ZNF135: variants seen among roughly 807,000 people sequenced by gnomAD.
ZNF135 encodes the protein zinc finger protein 135.
In ZNF135, 11 loss-of-function variants were observed where a neutral mutation model predicts 12.3. The observed-to-expected ratio is 0.89, with a 90% confidence interval of 0.56 to 1.48. The LOEUF is 1.48. Ranked by LOEUF, ZNF135 falls within the 40% of genes most tolerant of loss-of-function variation. The pLI, the probability that ZNF135 is intolerant of heterozygous loss-of-function variation, is 0.00. For missense variants in ZNF135, 722 were observed against 815.7 expected, an observed-to-expected ratio of 0.89 and a Z score of 1.40; for synonymous variants, 316 against 312.0, an observed-to-expected ratio of 1.01 and a Z score of -0.14.
chr19:58,067,110 T>C lies in ZNF135; in HGVS notation c.626T>C (p.Val209Ala), dbSNP rs917062727. ...PDLNVLQKTC[V>A]KEKPYKCQEC... Reference sequence around the variant, plus strand: ...CTAAATGTTTTACAGAAAACCTGTGTAAAAGAGAAACCCTACAAATGTCAG... The same window carrying C: ...CTAAATGTTTTACAGAAAACCTGTGCAAAAGAGAAACCCTACAAATGTCAG... Residue 209 changes from valine to alanine, a missense_variant, in exon 5 of 5, where the codon GTA becomes GCA. Val to Ala is a moderately conservative substitution (Grantham distance 64). Coordinates refer to ENST00000313434, the MANE Select transcript of ZNF135 (RefSeq NM_001289401.2). 1.2e-6 allele frequency: 2 copies of C among 1,614,156 alleles called. No homozygotes were observed. The highest frequency in any genetic ancestry group is 3.3e-5 in the Admixed American group (2 of 60,028).
rs1049460148 is a variant in ZNF135 at position 58,059,730 on chromosome 19, G to A, written c.-34-239G>A. On this transcript the variant is annotated intron_variant, in intron 1 of 4. Transcript: ENST00000313434. The surrounding 1 kb of genome is among the most constrained non-coding windows in gnomAD (Gnocchi z 6.5). ...ACTGTAGCGTTAAGGCTCAGAGTCT[G>A]CGCAGCAGATATGTGTCCGCACCCG... 1.7e-6 allele frequency: 1 copy of A among 582,034 alleles called. No homozygotes were observed. The highest frequency in any genetic ancestry group is 3.0e-6 in the Non-Finnish European group (1 of 331,978). 36.1% of individuals were successfully genotyped at this position (582,034 alleles called of 1,614,324 possible).
In ZNF135 at chr19:58,059,809, C is replaced by G. The variant is rs1003392654; in HGVS notation, c.-34-160C>G. The G allele has an allele frequency of 1.2e-6, 1 of 857,736 alleles. No homozygotes were observed. The highest frequency in any genetic ancestry group is 1.8e-5 in the South Asian group (1 of 54,280). 53.1% of individuals were successfully genotyped at this position (857,736 alleles called of 1,614,324 possible). On this transcript the variant is annotated intron_variant, in intron 1 of 4. Coordinates refer to ENST00000313434, the MANE Select transcript of ZNF135 (RefSeq NM_001289401.2). This position sits in a 1 kb window ranked among gnomAD's most constrained non-coding sequence, Gnocchi z 6.5. ...GGGAAAACCCTAGGCTGCCCTTCTC[C>G]GAGCGGAGGGCCGCCCCACACACAG...
At chr19:58,064,601 G>C (rs2074035867) in intron 4 of ZNF135, among the ~76,000 whole-genome samples, 1 of 151,894 alleles carries the variant, frequency 6.6e-6, no homozygotes, top group Non-Finnish European at 1.5e-5. Flanking sequence ...TTAATTAAGG[G>C]CTGGGAGCAG....
In ZNF135 at chr19:58,067,826, A is replaced by C. The variant is rs1166837213; in HGVS notation, c.1342A>C (p.Ser448Arg). ...ATGCAACGAGTGTGGGAAAACCTTCAGCCACAGCTCCTCACTCAGCCAGCA... is the reference window on the plus strand; with the variant it reads ...ATGCAACGAGTGTGGGAAAACCTTCCGCCACAGCTCCTCACTCAGCCAGCA... ...YGCNECGKTF[S>R]HSSSLSQHER... Residue 448 changes from serine (S) to arginine (R), a missense_variant, in exon 5 of 5, where the codon AGC becomes CGC. Coordinates refer to ENST00000313434, the MANE Select transcript of ZNF135 (RefSeq NM_001289401.2). The C allele has an allele frequency of 6.2e-7, 1 of 1,613,916 alleles. No homozygotes were observed. The highest frequency in any genetic ancestry group is 8.5e-7 in the Non-Finnish European group (1 of 1,179,986).
rs755320899 is a variant in ZNF135, at chr19:58,059,340, G to C, written c.-35+30G>C. On this transcript the variant is annotated intron_variant, in intron 1 of 4. Transcript: ENST00000313434. This position sits in a 1 kb window ranked among gnomAD's most constrained non-coding sequence, Gnocchi z 6.5. ...GCTAGGCCGGCGAGGAGGGGGAGGGGAGGCCAGGCCGGGCCGGGCCGGGCC... is the reference window on the plus strand; with the variant it reads ...GCTAGGCCGGCGAGGAGGGGGAGGGCAGGCCAGGCCGGGCCGGGCCGGGCC... 7.4e-7 allele frequency: 1 copy of C among 1,342,488 alleles called. No homozygotes were observed. The allele number at this position is 1,342,488 out of a possible 1,614,324, so 83.2% of individuals were successfully genotyped here. A position where few individuals can be genotyped will look rare whatever the true frequency, so the allele number is the denominator to read the frequency against.
At position 58,068,318 on chromosome 19, in the gene ZNF135, G is replaced by C; in HGVS notation, c.1834G>C (p.Gly612Arg). ...GEKPYECHDC[G>R]KSFRQSTHLT... is the part of the protein sequence containing the mutation. ...AAAGCCCTATGAGTGTCACGATTGCGGAAAGTCCTTTAGGCAGAGCACCCA... is the reference window on the plus strand; with the variant it reads ...AAAGCCCTATGAGTGTCACGATTGCCGAAAGTCCTTTAGGCAGAGCACCCA... Residue 612 changes from glycine to arginine, a missense_variant, in exon 5 of 5, where the codon GGA becomes CGA. Transcript: ENST00000313434. 1 of 1,613,998 alleles carries C rather than the reference G, an allele frequency of 6.2e-7. No individual in the cohort carries two copies. Among genetic ancestry groups the C allele is most frequent in the Non-Finnish European group, 8.5e-7 (1 of 1,180,000 alleles).
chr19:58,059,407 G>T lies in ZNF135; in HGVS notation c.-35+97G>T. On this transcript the variant is annotated intron_variant, in intron 1 of 4. Coordinates refer to ENST00000313434, the MANE Select transcript of ZNF135 (RefSeq NM_001289401.2). This position sits in a 1 kb window ranked among gnomAD's most constrained non-coding sequence, Gnocchi z 6.5. ...GGGATCTTCCTGAGGCCCTGGCGGG[G>T]CGAGTTTCCAGCAGCGCGCGTCTGT... The T allele has an allele frequency of 1.0e-6, 1 of 979,532 alleles. No individual in the cohort carries two copies. The highest frequency in any genetic ancestry group is 1.4e-6 in the Non-Finnish European group (1 of 715,958). The allele number at this position is 979,532 out of a possible 1,614,324, so 60.7% of individuals were successfully genotyped here.
At position 58,059,335 on chromosome 19, in the gene ZNF135, G is replaced by T; in HGVS notation, c.-35+25G>T. The stretch of plus-strand genomic sequence containing the variant: ...GGTGAGCTAGGCCGGCGAGGAGGGG[G>T]AGGGGAGGCCAGGCCGGGCCGGGCC... On this transcript the variant is annotated intron_variant, in intron 1 of 4. Transcript: ENST00000313434. This position sits in a 1 kb window ranked among gnomAD's most constrained non-coding sequence, Gnocchi z 6.5. 2 of 1,518,496 alleles carry T rather than the reference G, an allele frequency of 1.3e-6. No individual in the cohort carries two copies. The highest frequency in any genetic ancestry group is 1.8e-6 in the Non-Finnish European group (2 of 1,139,726). The allele number at this position is 1,518,496 out of a possible 1,614,324, so 94.1% of individuals were successfully genotyped here. A position where few individuals can be genotyped will look rare whatever the true frequency, so the allele number is the denominator to read the frequency against.
Position 58,059,355 on chromosome 19 carries a change from C to T in ZNF135, c.-35+45C>T. 1 of 766,742 alleles carries T rather than the reference C, an allele frequency of 1.3e-6. No homozygotes were observed. The highest frequency in any genetic ancestry group is 5.5e-5 in the East Asian group (1 of 18,120). 47.5% of individuals were successfully genotyped at this position (766,742 alleles called of 1,614,324 possible). A position where few individuals can be genotyped will look rare whatever the true frequency, so the allele number is the denominator to read the frequency against. ...AGGGGGAGGGGAGGCCAGGCCGGGC[C>T]GGGCCGGGCCGGGTGCGGGGGGTCC... On this transcript the variant is annotated intron_variant, in intron 1 of 4. Transcript: ENST00000313434. The surrounding 1 kb of genome is among the most constrained non-coding windows in gnomAD (Gnocchi z 6.5).
At chr19:58,061,808 T>C in intron 3 of ZNF135, 102 bp downstream of exon 3, 1 of 1,412,738 alleles carries the variant, frequency 7.1e-7, no homozygotes, top group Non-Finnish European at 9.4e-7. Context: ...AGCAAATGCC[T>C]GGGGCTGTAT....
chr19:58,068,458 A>AT lies in ZNF135; in HGVS notation c.1975dup (p.Ter659LeufsTer53). On this transcript the variant is annotated frameshift_variant, in exon 5 of 5. Coordinates refer to ENST00000313434, the MANE Select transcript of ZNF135 (RefSeq NM_001289401.2). LOFTEE classifies it high-confidence loss of function. The stretch of plus-strand genomic sequence containing the variant: ...CCAAGCACCAGAGAACTCACACTGG[A>AT]TAAACCCACTCCACATGTGCTGGGG... 6.2e-7 allele frequency: 1 copy of AT among 1,613,420 alleles called. No individual in the cohort carries two copies. The highest frequency in any genetic ancestry group is 1.3e-5 in the African/African-American group (1 of 75,038).
chr19:58,067,192 C>G lies in ZNF135; in HGVS notation c.708C>G (p.His236Gln), dbSNP rs750355897. The change falls in exon 5 of 5, where the codon CAC (histidine) becomes CAG (glutamine). Residue 236 changes from histidine to glutamine, a missense_variant. Coordinates refer to ENST00000313434, the MANE Select transcript of ZNF135 (RefSeq NM_001289401.2). Reference protein sequence around the residue: ...SSALIEHHRTHTGERPYECHE... With the variant: ...SSALIEHHRTQTGERPYECHE... ...CACTTATCGAACACCACCGGACGCACACAGGAGAGAGACCTTACGAATGTC... is the reference window on the plus strand; with the variant it reads ...CACTTATCGAACACCACCGGACGCAGACAGGAGAGAGACCTTACGAATGTC... 5 of 1,614,132 alleles carry G rather than the reference C, an allele frequency of 3.1e-6. No homozygotes were observed. In the Admixed American group the frequency reaches 8.3e-5, roughly 27 times the overall value.
chr19:58,068,646 T>TATTAG lies in ZNF135; in HGVS notation c.*186_*187insTTAGA. 1 of 642,618 alleles carries TATTAG rather than the reference T, an allele frequency of 1.6e-6. No individual in the cohort carries two copies. Among genetic ancestry groups the TATTAG allele is most frequent in the Admixed American group, 3.1e-5 (1 of 32,668 alleles). The allele number at this position is 642,618 out of a possible 1,614,324, so 39.8% of individuals were successfully genotyped here. A position where few individuals can be genotyped will look rare whatever the true frequency, so the allele number is the denominator to read the frequency against. On this transcript the variant is annotated 3_prime_UTR_variant, in exon 5 of 5. Transcript: ENST00000313434. ...AAATGACCATGGGACCACCAAGCTC[T>TATTAG]AGGTCATCCATCTCTGCATCCAAAT... is the stretch of plus-strand genomic sequence containing the variant.
At position 58,068,130 on chromosome 19, in the gene ZNF135, C is replaced by G; in HGVS notation, c.1646C>G (p.Pro549Arg). The G allele has an allele frequency of 4.3e-6, 7 of 1,614,188 alleles. No homozygotes were observed. The highest frequency in any genetic ancestry group is 5.9e-6 in the Non-Finnish European group (7 of 1,180,040). ...QHQRIHTGEK[P>R]YECNQCGRAF... is the part of the protein sequence containing the mutation. ...CAGAGGATCCACACAGGAGAGAAAC[C>G]CTATGAATGTAACCAGTGTGGCAGA... is the stretch of plus-strand genomic sequence containing the variant. The change falls in exon 5 of 5, where the codon CCC (proline) becomes CGC (arginine). Residue 549 changes from proline to arginine, a missense_variant. Pro to Arg is a moderately radical substitution (Grantham distance 103). Transcript: ENST00000313434.
intron 3 of ZNF135, among the ~76,000 whole-genome samples, chr19:58,062,313 C>G (rs1484881713): frequency 1.3e-5 from 2 of 152,178 alleles, no homozygotes; most frequent in Non-Finnish European, 2.9e-5. Flanking sequence ...GGCCCCACCT[C>G]AACACTATCA....
intron 3 of ZNF135, among the ~76,000 whole-genome samples, chr19:58,062,492 C>T (rs1229980985): frequency 3.3e-5 from 5 of 152,132 alleles, no homozygotes; most frequent in African/African-American, 1.2e-4. Flanking sequence ...ACACCATTCT[C>T]CTGCCTCATC....
At position 58,068,298 on chromosome 19, in the gene ZNF135, C is replaced by G; in HGVS notation, c.1814C>G (p.Pro605Arg). 2 of 1,614,080 alleles carry G rather than the reference C, an allele frequency of 1.2e-6. No individual in the cohort carries two copies. Among genetic ancestry groups the G allele is most frequent in the Non-Finnish European group, 1.7e-6 (2 of 1,180,006 alleles). The stretch of plus-strand genomic sequence containing the variant: ...GAAAGGACGCACACTGGGGAAAAGC[C>G]CTATGAGTGTCACGATTGCGGAAAG... ...QHERTHTGEK[P>R]YECHDCGKSF... is the part of the protein sequence containing the mutation. The change falls in exon 5 of 5, where the codon CCC (proline) becomes CGC (arginine). Residue 605 changes from proline (P) to arginine (R), a missense_variant. Physicochemically the swap from Pro to Arg is moderately radical, Grantham distance 103 (BLOSUM62 -2). Transcript: ENST00000313434.
chr19:58,065,525 T>C lies in ZNF135; in HGVS notation c.257-1216T>C, dbSNP rs1408999704. Among the ~76,000 whole-genome samples, 1 of 152,202 alleles carries C rather than the reference T, an allele frequency of 6.6e-6. No homozygotes were observed. Among genetic ancestry groups the C allele is most frequent in the Admixed American group, 6.5e-5 (1 of 15,280 alleles). ...ATCCGTTTCTTTGCATTTTTCAGCT[T>C]CTAGAGGCACCCACATTCCTTGGCT... On this transcript the variant is annotated intron_variant, in intron 4 of 4. Transcript: ENST00000313434. The surrounding 1 kb of genome is among the most constrained non-coding windows in gnomAD (Gnocchi z 4.0).
At position 58,060,501 on chromosome 19, in the gene ZNF135, C is replaced by G. The variant is rs2073957663; in HGVS notation, c.33+466C>G. ...TCAGAAAATTGTAGGTGCCCCGGCT[C>G]TGCAGTCTGAAGTTGAAGGCCTTAG... is the stretch of plus-strand genomic sequence containing the variant. On this transcript the variant is annotated intron_variant, in intron 2 of 4. Transcript: ENST00000313434. This position sits in a 1 kb window ranked among gnomAD's most constrained non-coding sequence, Gnocchi z 4.9. 1.0e-6 allele frequency: 1 copy of G among 1,003,408 alleles called. No individual in the cohort carries two copies. The highest frequency in any genetic ancestry group is 9.6e-5 in the East Asian group (1 of 10,432). 62.2% of individuals were successfully genotyped at this position (1,003,408 alleles called of 1,614,324 possible).
Sources: gnomAD v4.1 joint callset for allele counts (sites outside exome capture counted in the v4.1 genomes callset) on GRCh38, gnomAD v4.1.1 for gene constraint, Gnocchi (gnomAD v3.1) non-coding constraint, MANE v1.5 for transcripts, NCBI Gene and HGNC (gene_info 2026-07-23, HGNC 2026-07-21) for gene names.